The following NEXMIF variants were observed in gnomAD, a reference collection of about 807,000 sequenced individuals.
NEXMIF encodes XLMR protein related to neurite extension.
In NEXMIF, 8 loss-of-function variants were observed where a neutral mutation model predicts 62.1. The ratio of observed to expected loss-of-function variants is 0.13; its 90% CI spans 0.08 to 0.23. NEXMIF has a LOEUF of 0.23. NEXMIF is among the 10% of genes least tolerant of loss of function. The probability of loss-of-function intolerance (pLI) is 1.00; values close to 1 mark genes in which losing one functional copy is unlikely to be tolerated. For missense variants in NEXMIF, 976 were observed against 1,113.3 expected, an observed-to-expected ratio of 0.88 and a Z score of 1.75; for synonymous variants, 404 against 416.6, an observed-to-expected ratio of 0.97 and a Z score of 0.37.
chrX:74,886,296 T>C (rs1395900262), intron 1 of NEXMIF, among the ~76,000 whole-genome samples: 36 of 111,473 alleles, frequency 3.2e-4, no homozygotes, highest in South Asian at 1.5e-3. Flanking sequence ...AAGTTCTGGC[T>C]AGGGCAATGA....
At position 74,753,713 on chromosome X, in the gene NEXMIF, A is replaced by G. The variant is rs867375470; in HGVS notation, c.-47-8016T>C. Among the ~76,000 whole-genome samples, 5 of 90,525 alleles carry G rather than the reference A, an allele frequency of 5.5e-5. No homozygotes were observed. The East Asian group carries it at 6.1e-3, about 111-fold the overall frequency. The allele number at this position is 90,525 out of a possible 115,157, so 78.6% of individuals were successfully genotyped here. ...ACACATTTCCTCCTTACACACACAC[A>G]CGCACACACACACACACACACACAC... is the stretch of plus-strand genomic sequence containing the variant. On this transcript the variant is annotated intron_variant, in intron 1 of 3. Coordinates refer to ENST00000055682, the MANE Select transcript of NEXMIF (RefSeq NM_001008537.3).
chrX:74,874,024 T>C (rs1301239574), intron 1 of NEXMIF, among the ~76,000 whole-genome samples: 2 of 110,854 alleles, frequency 1.8e-5, no homozygotes, highest in East Asian at 5.7e-4. Context: ...ATTTTGTCTT[T>C]TGTTGCCATT....
intron 1 of NEXMIF, among the ~76,000 whole-genome samples, chrX:74,765,897 C>CAGGTGTGG (rs1471180797): frequency 9.5e-6 from 1 of 104,963 alleles, no homozygotes; most frequent in Non-Finnish European, 1.9e-5. Flanking sequence ...AAAAAGTAAC[C>CAGGTGTGG]AGGTGTGGTG....
intron 1 of NEXMIF, among the ~76,000 whole-genome samples, chrX:74,759,388 T>A (rs2080169267): frequency 8.9e-6 from 1 of 112,524 alleles, no homozygotes; most frequent in South Asian, 3.7e-4. Context: ...GCTCTTTAGT[T>A]TAACTAGGTC....
At position 74,874,397 on chromosome X, in the gene NEXMIF, C is replaced by T. The variant is rs1158670353; in HGVS notation, c.-48+50486G>A. 6.4e-5 allele frequency among the ~76,000 whole-genome samples: 7 copies of T among 108,743 alleles called. No homozygotes were observed. In the Admixed American group the frequency reaches 7.0e-4, roughly 11 times the overall value. The allele number at this position is 108,743 out of a possible 115,157, so 94.4% of individuals were successfully genotyped here. A position where few individuals can be genotyped will look rare whatever the true frequency, so the allele number is the denominator to read the frequency against. On this transcript the variant is annotated intron_variant, in intron 1 of 3. Transcript: ENST00000055682. Reference sequence around the variant, plus strand: ...ACCATGCTGTTTTGGTTACTGTAGCCTTGTAGTATAGTTTGAAGTCAGGTA... The same window carrying T: ...ACCATGCTGTTTTGGTTACTGTAGCTTTGTAGTATAGTTTGAAGTCAGGTA...
chrX:74,913,352 G>A (rs189750502), intron 1 of NEXMIF, among the ~76,000 whole-genome samples: 29 of 111,869 alleles, frequency 2.6e-4, no homozygotes, highest in African/African-American at 8.4e-4. Flanking sequence ...AAACTATCTA[G>A]TCTGAACAAC....
chrX:74,792,547 G>T (rs1159004470), intron 1 of NEXMIF, among the ~76,000 whole-genome samples: 1 of 97,229 alleles, frequency 1.0e-5, no homozygotes, highest in Non-Finnish European at 2.1e-5. Context: ...TTTCTGTCTC[G>T]TTGATCTGTC....
chrX:74,907,092 G>A (rs1358926028), intron 1 of NEXMIF, among the ~76,000 whole-genome samples: 1 of 111,770 alleles, frequency 8.9e-6, no homozygotes, highest in Non-Finnish European at 1.9e-5. Context: ...CTTTCCTGAT[G>A]TAACTGAAGT....
At chrX:74,758,113 T>C (rs2080164463) in intron 1 of NEXMIF, among the ~76,000 whole-genome samples, 1 of 111,676 alleles carries the variant, frequency 9.0e-6, no homozygotes, top group South Asian at 3.7e-4. Flanking sequence ...TGCCAGACAC[T>C]GTTAGGCCAG....
chrX:74,876,044 A>G (rs1306534517), intron 1 of NEXMIF, among the ~76,000 whole-genome samples: 5 of 110,629 alleles, frequency 4.5e-5, no homozygotes, highest in Non-Finnish European at 9.5e-5. Context: ...TAGCTTTTGA[A>G]TGTGTTTGCT....
At chrX:74,911,499 G>C (rs1328914647) in intron 1 of NEXMIF, among the ~76,000 whole-genome samples, 1 of 111,930 alleles carries the variant, frequency 8.9e-6, no homozygotes, top group East Asian at 2.8e-4. Flanking sequence ...CCATATCTCT[G>C]AGTAGCAGAC....
rs1325559823 is a variant in NEXMIF at position 74,751,569 on chromosome X, C to A, written c.-47-5872G>T. ...GTGGCATGATCTCGGCTCACTGCAA[C>A]CTCCGCCTGCCACTCAGCCTCTCGA... On this transcript the variant is annotated intron_variant, in intron 1 of 3. Coordinates refer to ENST00000055682, the MANE Select transcript of NEXMIF (RefSeq NM_001008537.3). Among the ~76,000 whole-genome samples, 4 of 106,526 alleles carry A rather than the reference C, an allele frequency of 3.8e-5. No homozygotes were observed. The Admixed American group carries it at 4.0e-4, about 11-fold the overall frequency. The allele number at this position is 106,526 out of a possible 115,157, so 92.5% of individuals were successfully genotyped here.
At chrX:74,814,005 A>G (rs1407584035) in intron 1 of NEXMIF, among the ~76,000 whole-genome samples, 3 of 111,905 alleles carry the variant, frequency 2.7e-5, no homozygotes, top group East Asian at 5.6e-4. Flanking sequence ...ACTCCTCAGA[A>G]CCAGAATTTC....
Position 74,791,141 on chromosome X carries a change from A to G in NEXMIF, c.-47-45444T>C, listed in dbSNP as rs1387038818. ...TCATAGATAGCTCTTATTATTTTGA[A>G]ATACGTCCCATCAATACCTAATTTA... On this transcript the variant is annotated intron_variant, in intron 1 of 3. Coordinates refer to ENST00000055682, the MANE Select transcript of NEXMIF (RefSeq NM_001008537.3). Among the ~76,000 whole-genome samples, 4 of 110,710 alleles carry G rather than the reference A, an allele frequency of 3.6e-5. No homozygotes were observed. The East Asian group carries it at 1.1e-3, about 31-fold the overall frequency.
chrX:74,747,265 T>C (rs901413461), intron 1 of NEXMIF, among the ~76,000 whole-genome samples: 1 of 111,636 alleles, frequency 9.0e-6, no homozygotes, highest in Non-Finnish European at 1.9e-5. Flanking sequence ...CTTATGTCTA[T>C]AGTTAACTAC....
chrX:74,842,641 G>A (rs774730247), intron 1 of NEXMIF, among the ~76,000 whole-genome samples: 27 of 111,781 alleles, frequency 2.4e-4, no homozygotes, highest in Non-Finnish European at 4.7e-4. Flanking sequence ...CATTGCCCTA[G>A]CTGTGTCCCA....
At chrX:74,899,326 C>T (rs765661874) in intron 1 of NEXMIF, among the ~76,000 whole-genome samples, 26 of 111,143 alleles carry the variant, frequency 2.3e-4, no homozygotes, top group Non-Finnish European at 4.2e-4. Flanking sequence ...ATACAAAACC[C>T]TAAAGATCGT....
intron 1 of NEXMIF, among the ~76,000 whole-genome samples, chrX:74,881,077 A>G (rs1276145598): frequency 9.0e-6 from 1 of 111,559 alleles, no homozygotes; most frequent in Non-Finnish European, 1.9e-5. Flanking sequence ...TATGCCCTAA[A>G]ACTGACAGTA....
At chrX:74,841,194 C>T (rs936444726) in intron 1 of NEXMIF, among the ~76,000 whole-genome samples, 1 of 110,556 alleles carries the variant, frequency 9.0e-6, no homozygotes, top group African/African-American at 3.3e-5. Flanking sequence ...GATATTTCAC[C>T]TCCCTGGATA....
Sources: allele counts gnomAD v4.1 joint callset (sites outside exome capture counted in the v4.1 genomes callset), GRCh38; gene constraint gnomAD v4.1.1; transcripts MANE v1.5; gene names NCBI Gene and HGNC (gene_info 2026-07-23, HGNC 2026-07-21).